Variants in CUX2 observed in about 807,000 individuals in gnomAD.
CUX2 encodes the protein homeobox protein cut-like 2.
CUX2 carries 40 observed loss-of-function variants against 144.8 expected under a neutral mutation model. That is an observed-to-expected ratio of 0.28 (90% CI 0.21 to 0.36). The LOEUF (loss-of-function observed/expected upper bound fraction) is 0.36. Ranked by LOEUF, CUX2 falls within the 10% of genes least tolerant of loss-of-function variation. The probability of loss-of-function intolerance (pLI) is 1.00; values close to 1 mark genes in which losing one functional copy is unlikely to be tolerated. For missense variants in CUX2, 1,615 were observed against 1,994.0 expected (o/e 0.81, Z 3.62); for synonymous variants, 827 against 875.6 (o/e 0.94, Z 0.98).
chr12:111,169,652 G>T (rs1432415738), intron 1 of CUX2, among the ~76,000 whole-genome samples: 1 of 152,226 alleles, frequency 6.6e-6, no homozygotes, highest in African/African-American at 2.4e-5. Flanking sequence ...TGGCATATGG[G>T]CTCCGCAGCC....
chr12:111,310,392 A>G lies in CUX2; in HGVS notation c.1610A>G (p.Asp537Gly). 1.2e-6 allele frequency: 2 copies of G among 1,606,230 alleles called. No homozygotes were observed. Among genetic ancestry groups the G allele is most frequent in the Non-Finnish European group, 1.7e-6 (2 of 1,175,504 alleles). ...CCACTGGGCGGTCCTGAGCCCGCGG[A>G]TGGTGGTGGGGGCGGAGCGGCGGGG... The part of the protein sequence containing the change: ...PEPLGGPEPA[D>G]GGGGGAAGPG... The change falls in exon 15 of 22, where the codon GAT becomes GGT. Residue 537 changes from aspartate (D) to glycine (G), a missense_variant. Physicochemically the swap from Asp to Gly is moderately conservative, Grantham distance 94 (BLOSUM62 -1). Transcript: ENST00000261726. This position sits in a 1 kb window ranked among gnomAD's most constrained non-coding sequence, Gnocchi z 7.9.
At chr12:111,090,571 C>A (rs922599946) in intron 1 of CUX2, among the ~76,000 whole-genome samples, 1 of 152,076 alleles carries the variant, frequency 6.6e-6, no homozygotes, top group Non-Finnish European at 1.5e-5. Flanking sequence ...GGCCTGCGAT[C>A]CCTTTACTAC....
At chr12:111,094,284 C>A (rs919123651) in intron 1 of CUX2, among the ~76,000 whole-genome samples, 1 of 152,210 alleles carries the variant, frequency 6.6e-6, no homozygotes, top group Admixed American at 6.5e-5. Flanking sequence ...TGCGGCTGGG[C>A]CCGGTGTGAG....
In CUX2 at chr12:111,297,124, C is replaced by T. The variant is rs1021106454; in HGVS notation, c.704+585C>T. ...CCCTCTGACCCTCCCAGATATGCCTCCACCCTCTGGCCCTCCCAGACAGGC... is the reference window on the plus strand; with the variant it reads ...CCCTCTGACCCTCCCAGATATGCCTTCACCCTCTGGCCCTCCCAGACAGGC... On this transcript the variant is annotated intron_variant, in intron 8 of 21. Transcript: ENST00000261726. 9.9e-4 allele frequency among the ~76,000 whole-genome samples: 150 copies of T among 151,180 alleles called. 2 individuals carry two copies. The highest frequency in any genetic ancestry group is 5.3e-4 in the Admixed American group (8 of 15,184).
chr12:111,194,747 GCAGGTGCT>G (rs1392097120), intron 1 of CUX2, among the ~76,000 whole-genome samples: 19 of 152,250 alleles, frequency 1.2e-4, no homozygotes, highest in African/African-American at 4.3e-4. Context: ...CCGTCACACA[GCAGGTGCT>G]TAAAGCATAT....
At chr12:111,159,745 C>T (rs960304686) in intron 1 of CUX2, among the ~76,000 whole-genome samples, 2 of 152,198 alleles carry the variant, frequency 1.3e-5, no homozygotes, top group Non-Finnish European at 2.9e-5. Context: ...GAAAAGGAGG[C>T]CAGGCGCAGT....
chr12:111,220,612 A>G (rs769728901), intron 3 of CUX2, among the ~76,000 whole-genome samples: 18 of 151,888 alleles, frequency 1.2e-4, no homozygotes, highest in Non-Finnish European at 2.5e-4. Context: ...AAGGCTAACA[A>G]TAAGGATTCA....
At chr12:111,264,453 G>A (rs1884280752) in intron 4 of CUX2, among the ~76,000 whole-genome samples, 1 of 152,208 alleles carries the variant, frequency 6.6e-6, no homozygotes, top group Non-Finnish European at 1.5e-5. Flanking sequence ...AGGCATGGAG[G>A]GCCGGGTACA....
intron 1 of CUX2, among the ~76,000 whole-genome samples, chr12:111,184,574 A>C (rs1414271456): frequency 4.1e-5 from 4 of 98,516 alleles, no homozygotes; most frequent in Non-Finnish European, 7.4e-5. Flanking sequence ...TCTCTCTACC[A>C]AAAAAAAAAA....
chr12:111,338,529 A>G (rs1888451594), intron 20 of CUX2, 55 bp downstream of exon 20: 1 of 1,527,688 alleles, frequency 6.5e-7, no homozygotes, highest in East Asian at 2.3e-5. Flanking sequence ...TTTCCCCAGA[A>G]CCATATCTAG....
At chr12:111,238,553 G>A (rs1218359499) in intron 3 of CUX2, among the ~76,000 whole-genome samples, 4 of 152,204 alleles carry the variant, frequency 2.6e-5, no homozygotes, top group African/African-American at 9.7e-5. Context: ...CACACAGCTG[G>A]TGGCATGTGG....
chr12:111,159,883 G>A (rs1159221077), intron 1 of CUX2, among the ~76,000 whole-genome samples: 1 of 152,198 alleles, frequency 6.6e-6, no homozygotes, highest in African/African-American at 2.4e-5. Context: ...AAATTAGCCA[G>A]GGAGGGTGAT....
At chr12:111,172,248 C>T (rs112570566) in intron 1 of CUX2, among the ~76,000 whole-genome samples, 5 of 152,238 alleles carry the variant, frequency 3.3e-5, no homozygotes, top group East Asian at 3.9e-4. Context: ...GTCAGAGAGA[C>T]GCAGAGCATC....
At chr12:111,066,927 C>T in intron 1 of CUX2, among the ~76,000 whole-genome samples, 1 of 152,188 alleles carries the variant, frequency 6.6e-6, no homozygotes, top group East Asian at 1.9e-4. Flanking sequence ...AGGCACTTGG[C>T]CAAGCACCTG....
rs73418724 is a variant in CUX2 at position 111,310,267 on chromosome 12, C to T, written c.1485C>T (p.Ala495=). The T allele has an allele frequency of 0.015, 23,030 of 1,510,786 alleles. 1,037 individuals carry two copies. In the African/African-American group the frequency reaches 0.15, roughly 10 times the overall value. 93.6% of individuals were successfully genotyped at this position (1,510,786 alleles called of 1,614,324 possible). The change falls in exon 15 of 22, where the codon GCC becomes GCT. Residue 495 remains alanine (A), a synonymous_variant. Coordinates refer to ENST00000261726, the MANE Select transcript of CUX2 (RefSeq NM_015267.4). The surrounding 1 kb of genome is among the most constrained non-coding windows in gnomAD (Gnocchi z 7.9). The part of the protein sequence containing the change: ...ASGERLMMPP[A]AFKGEAGGLL... ...GGGAGAGACTGATGATGCCCCCAGC[C>T]GCCTTCAAGGGAGAGGCGGGCGGCC... is the stretch of plus-strand genomic sequence containing the variant.
chr12:111,258,576 C>T (rs1883953941), intron 3 of CUX2, among the ~76,000 whole-genome samples: 1 of 151,846 alleles, frequency 6.6e-6, no homozygotes, highest in African/African-American at 2.4e-5. Flanking sequence ...CAGTCATTGC[C>T]TTGAAACGAG....
intron 3 of CUX2, among the ~76,000 whole-genome samples, chr12:111,234,059 C>A (rs1882612963): frequency 6.6e-6 from 1 of 152,206 alleles, no homozygotes; most frequent in South Asian, 2.1e-4. Flanking sequence ...TTGTCCAGAA[C>A]TCTGTTACAA....
intron 1 of CUX2, among the ~76,000 whole-genome samples, chr12:111,115,033 C>T (rs975947100): frequency 3.9e-5 from 6 of 152,058 alleles, no homozygotes; most frequent in Non-Finnish European, 8.8e-5. Flanking sequence ...ATATGTCTAT[C>T]CTTATAGCAT....
At chr12:111,101,547 G>A (rs572053859) in intron 1 of CUX2, among the ~76,000 whole-genome samples, 1 of 152,322 alleles carries the variant, frequency 6.6e-6, no homozygotes, top group South Asian at 2.1e-4. Context: ...TGCAGATCTG[G>A]GTGGGTGAGT....
Sources: gnomAD v4.1 joint callset for allele counts (sites outside exome capture counted in the v4.1 genomes callset) on GRCh38, gnomAD v4.1.1 for gene constraint, Gnocchi (gnomAD v3.1) non-coding constraint, MANE v1.5 for transcripts, NCBI Gene and HGNC (gene_info 2026-07-23, HGNC 2026-07-21) for gene names.